SPIN1: variants seen among roughly 807,000 people sequenced by gnomAD.
SPIN1 encodes spindlin 1.
Under a neutral mutation model 26.0 loss-of-function variants are expected in SPIN1, and 3 were observed. The ratio of observed to expected loss-of-function variants is 0.12; its 90% CI spans 0.05 to 0.30. The LOEUF (loss-of-function observed/expected upper bound fraction) is 0.30. Among genes scored for constraint, SPIN1 ranks in the 10% least tolerant of loss-of-function variants. SPIN1 has a pLI of 1.00. For synonymous variants in SPIN1, 101 were observed against 116.5 expected, an observed-to-expected ratio of 0.87 and a Z score of 0.86; for missense variants, 126 against 333.4, an observed-to-expected ratio of 0.38 and a Z score of 4.84.
At chr9:88,402,816 A>G (rs993134576) in intron 1 of SPIN1, among the ~76,000 whole-genome samples, 3 of 152,128 alleles carry the variant, frequency 2.0e-5, no homozygotes, top group African/African-American at 4.8e-5. Context: ...TTTCCTTTGG[A>G]TAAATAGCCA....
At chr9:88,432,507 CAG>C (rs575124322) in intron 2 of SPIN1, among the ~76,000 whole-genome samples, 2 of 146,560 alleles carry the variant, frequency 1.4e-5, no homozygotes, top group South Asian at 2.1e-4. Flanking sequence ...TTCTTTGAGA[CAG>C]AGTCTTGCTC....
intron 2 of SPIN1, among the ~76,000 whole-genome samples, chr9:88,437,391 G>A (rs576457507): frequency 6.6e-6 from 1 of 152,068 alleles, no homozygotes; most frequent in African/African-American, 2.4e-5. Flanking sequence ...CTAGCCACTC[G>A]GGAGGTTGAG....
At chr9:88,455,858 G>T (rs1370805284) in intron 3 of SPIN1, among the ~76,000 whole-genome samples, 3 of 151,710 alleles carry the variant, frequency 2.0e-5, no homozygotes, top group Admixed American at 6.6e-5. Flanking sequence ...GCACCCTTAC[G>T]TAGTTCCAGC....
chr9:88,456,117 A>G (rs1165848256), intron 3 of SPIN1, among the ~76,000 whole-genome samples: 1 of 152,162 alleles, frequency 6.6e-6, no homozygotes, highest in African/African-American at 2.4e-5. Flanking sequence ...AAATTTGTAG[A>G]TGTGGACTCA....
At chr9:88,447,369 TCTG>T (rs1176997267) in intron 2 of SPIN1, among the ~76,000 whole-genome samples, 1 of 152,232 alleles carries the variant, frequency 6.6e-6, no homozygotes, top group East Asian at 1.9e-4. Flanking sequence ...GGAGTTACAA[TCTG>T]CTACTTTTTT....
chr9:88,431,280 C>T (rs921066801), intron 2 of SPIN1, among the ~76,000 whole-genome samples: 1 of 150,530 alleles, frequency 6.6e-6, no homozygotes, highest in Non-Finnish European at 1.5e-5. Flanking sequence ...ATATTTCTCT[C>T]TCTCTCTCTC....
chr9:88,435,879 T>G (rs1827990218), intron 2 of SPIN1, among the ~76,000 whole-genome samples: 1 of 152,182 alleles, frequency 6.6e-6, no homozygotes, highest in Non-Finnish European at 1.5e-5. Flanking sequence ...TATCTATGGT[T>G]TCTCAGATCC....
chr9:88,429,620 A>AC (rs989406940), intron 2 of SPIN1, among the ~76,000 whole-genome samples: 8 of 152,072 alleles, frequency 5.3e-5, no homozygotes, highest in East Asian at 1.9e-4. Context: ...TGGTGCATCT[A>AC]CCCCCCTCCA....
chr9:88,440,065 CT>C (rs1480658254), intron 2 of SPIN1, among the ~76,000 whole-genome samples: 7 of 152,126 alleles, frequency 4.6e-5, no homozygotes, highest in Non-Finnish European at 8.8e-5. Flanking sequence ...GCTTTCCACT[CT>C]TTTCTGCCTT....
chr9:88,410,162 AGTGTGTGTGT>A (rs138037814), intron 1 of SPIN1, among the ~76,000 whole-genome samples: 15 of 132,998 alleles, frequency 1.1e-4, no homozygotes, highest in African/African-American at 1.7e-4. Flanking sequence ...GCATATATTT[AGTGTGTGTGT>A]GTGTGTGTGT....
At chr9:88,394,807 T>C (rs974250973) in intron 1 of SPIN1, among the ~76,000 whole-genome samples, 14 of 136,272 alleles carry the variant, frequency 1.0e-4, no homozygotes, top group African/African-American at 3.5e-4. Context: ...TTATTTAATG[T>C]ATTTTTTTTT....
At chr9:88,434,833 G>A (rs1212651679) in intron 2 of SPIN1, among the ~76,000 whole-genome samples, 2 of 151,996 alleles carry the variant, frequency 1.3e-5, no homozygotes, top group Non-Finnish European at 2.9e-5. Flanking sequence ...GAAGCGGGTG[G>A]GTCACTTGAG....
At chr9:88,430,883 C>CT (rs906131135) in intron 2 of SPIN1, among the ~76,000 whole-genome samples, 17,680 of 132,012 alleles carry the variant, frequency 0.13, 1,675 homozygotes, top group East Asian at 0.3. Flanking sequence ...TATATTTTTT[C>CT]TTTTTTTTTT....
intron 1 of SPIN1, among the ~76,000 whole-genome samples, chr9:88,424,797 G>T (rs1248906281): frequency 6.6e-6 from 1 of 152,188 alleles, no homozygotes; most frequent in Non-Finnish European, 1.5e-5. Context: ...TGAAGGTAGG[G>T]TGTGTAAGAG....
intron 1 of SPIN1, among the ~76,000 whole-genome samples, chr9:88,423,968 A>G (rs1827719715): frequency 6.6e-6 from 1 of 151,744 alleles, no homozygotes; most frequent in Admixed American, 6.6e-5. Flanking sequence ...TGGTTTTGCC[A>G]TGTTGGCCAG....
At chr9:88,422,168 A>C (rs1222053456) in intron 1 of SPIN1, among the ~76,000 whole-genome samples, 1 of 152,194 alleles carries the variant, frequency 6.6e-6, no homozygotes, top group East Asian at 1.9e-4. Context: ...TTCTCTTGAT[A>C]GTTTTAGCAA....
At chr9:88,434,666 G>A (rs1827963233) in intron 2 of SPIN1, among the ~76,000 whole-genome samples, 1 of 152,054 alleles carries the variant, frequency 6.6e-6, no homozygotes, top group Admixed American at 6.6e-5. Context: ...TTTTTTTACA[G>A]ATGAATAGTA....
At chr9:88,423,910 C>A (rs887381985) in intron 1 of SPIN1, among the ~76,000 whole-genome samples, 1 of 152,014 alleles carries the variant, frequency 6.6e-6, no homozygotes, top group African/African-American at 2.4e-5. Context: ...GGACCAAGGG[C>A]ATACGCCACC....
At chr9:88,416,108 C>T (rs1237475890) in intron 1 of SPIN1, among the ~76,000 whole-genome samples, 1 of 151,994 alleles carries the variant, frequency 6.6e-6, no homozygotes, top group Non-Finnish European at 1.5e-5. Flanking sequence ...TTGAGTTGTA[C>T]TCTGAGTATT....
Sources: allele counts gnomAD v4.1 joint callset (sites outside exome capture counted in the v4.1 genomes callset), GRCh38; gene constraint gnomAD v4.1.1; transcripts MANE v1.5; gene names NCBI Gene and HGNC (gene_info 2026-07-23, HGNC 2026-07-21).